Variants in GPC6 observed in about 807,000 individuals in gnomAD.
GPC6 encodes glypican-6.
In GPC6, 14 loss-of-function variants were observed where a neutral mutation model predicts 55.2. The observed-to-expected ratio is 0.25, with a 90% confidence interval of 0.17 to 0.40. The LOEUF is 0.40. Among genes scored for constraint, GPC6 ranks in the 10% least tolerant of loss-of-function variants. GPC6 has a pLI of 1.00. For missense variants in GPC6, 641 were observed against 708.5 expected, an observed-to-expected ratio of 0.90 and a Z score of 1.08; for synonymous variants, 278 against 259.6, an observed-to-expected ratio of 1.07 and a Z score of -0.68.
intron 2 of GPC6, among the ~76,000 whole-genome samples, chr13:93,672,141 G>T (rs1301883399): frequency 3.6e-5 from 4 of 111,296 alleles, no homozygotes; most frequent in African/African-American, 1.2e-4. Flanking sequence ...ATAGAATTAA[G>T]TTCTGGGTTT....
intron 3 of GPC6, among the ~76,000 whole-genome samples, chr13:93,956,557 G>T (rs1332827404): frequency 6.6e-6 from 1 of 152,182 alleles, no homozygotes; most frequent in African/African-American, 2.4e-5. Flanking sequence ...ATTAGTATGT[G>T]CAGGCACAGC....
At chr13:93,470,894 T>A (rs1172535256) in intron 1 of GPC6, among the ~76,000 whole-genome samples, 1 of 152,144 alleles carries the variant, frequency 6.6e-6, no homozygotes, top group Non-Finnish European at 1.5e-5. Flanking sequence ...ATTGGTCCTT[T>A]TCAACTAAAA....
chr13:93,974,787 C>T (rs553620301), intron 3 of GPC6, among the ~76,000 whole-genome samples: 10 of 151,844 alleles, frequency 6.6e-5, no homozygotes, highest in Non-Finnish European at 1.3e-4. Context: ...TATTTGGAAT[C>T]GAAACTATTA....
intron 4 of GPC6, among the ~76,000 whole-genome samples, chr13:94,221,617 C>T (rs535300605): frequency 6.6e-6 from 1 of 152,166 alleles, no homozygotes; most frequent in African/African-American, 2.4e-5. Context: ...TTTACACTAA[C>T]CTCATATGAC....
intron 3 of GPC6, among the ~76,000 whole-genome samples, chr13:93,991,978 T>C (rs942690142): frequency 6.6e-5 from 10 of 152,044 alleles, no homozygotes; most frequent in Admixed American, 6.6e-4. Flanking sequence ...TACATACATG[T>C]GGCATATACA....
intron 2 of GPC6, among the ~76,000 whole-genome samples, chr13:93,822,855 T>TATTTTA (rs1188665689): frequency 6.8e-6 from 1 of 147,218 alleles, no homozygotes; most frequent in African/African-American, 2.5e-5. Flanking sequence ...TTATTATTAT[T>TATTTTA]TTATTATTAT....
At chr13:93,698,320 C>T (rs1043811683) in intron 2 of GPC6, among the ~76,000 whole-genome samples, 5 of 152,030 alleles carry the variant, frequency 3.3e-5, no homozygotes, top group Non-Finnish European at 5.9e-5. Flanking sequence ...AAGCATTCTT[C>T]GTTGCAATGA....
At chr13:93,405,416 T>C (rs2139237420) in intron 1 of GPC6, among the ~76,000 whole-genome samples, 1 of 152,312 alleles carries the variant, frequency 6.6e-6, no homozygotes, top group African/African-American at 2.4e-5. Flanking sequence ...CACTGCAGTA[T>C]TAGAGAAATC....
intron 3 of GPC6, among the ~76,000 whole-genome samples, chr13:93,944,243 G>T (rs967819217): frequency 1.3e-5 from 2 of 149,248 alleles, no homozygotes; most frequent in Non-Finnish European, 3.0e-5. Flanking sequence ...TTGCTCTGTC[G>T]CCCAGGCTGG....
At chr13:93,559,100 C>T (rs1294067693) in intron 2 of GPC6, among the ~76,000 whole-genome samples, 2 of 152,062 alleles carry the variant, frequency 1.3e-5, no homozygotes, top group Non-Finnish European at 2.9e-5. Flanking sequence ...TCAGATTTCT[C>T]GCCAAAGTGA....
chr13:93,745,146 C>G (rs567219694), intron 2 of GPC6, among the ~76,000 whole-genome samples: 9 of 152,234 alleles, frequency 5.9e-5, no homozygotes, highest in African/African-American at 1.9e-4. Flanking sequence ...CTTAGGCTCT[C>G]AACTCTCTAC....
intron 1 of GPC6, among the ~76,000 whole-genome samples, chr13:93,454,809 C>T (rs1878375053): frequency 6.6e-6 from 1 of 152,208 alleles, no homozygotes; most frequent in Non-Finnish European, 1.5e-5. Context: ...CTTGAGTGGT[C>T]GATGGGAGTG....
chr13:93,869,886 C>T (rs1889077358), intron 3 of GPC6, among the ~76,000 whole-genome samples: 1 of 151,812 alleles, frequency 6.6e-6, no homozygotes, highest in South Asian at 2.1e-4. Flanking sequence ...GTATACTCCA[C>T]AGCTGGTTTT....
intron 2 of GPC6, among the ~76,000 whole-genome samples, chr13:93,574,769 G>A (rs75050067): frequency 0.015 from 2,240 of 152,126 alleles, 54 homozygotes; most frequent in African/African-American, 0.05. Flanking sequence ...ACTCATGTGC[G>A]TTCTGTCTAG....
intron 2 of GPC6, among the ~76,000 whole-genome samples, chr13:93,784,574 A>G (rs1338590314): frequency 1.3e-5 from 2 of 152,188 alleles, no homozygotes; most frequent in Non-Finnish European, 2.9e-5. Context: ...TACATTTCTA[A>G]GGCCGAGGTT....
At chr13:94,211,751 A>G (rs1025937008) in intron 4 of GPC6, among the ~76,000 whole-genome samples, 1 of 152,228 alleles carries the variant, frequency 6.6e-6, no homozygotes, top group Non-Finnish European at 1.5e-5. Context: ...CCACAAGCTC[A>G]GAATCGGTCA....
chr13:93,972,227 C>G (rs1231772911), intron 3 of GPC6, among the ~76,000 whole-genome samples: 1 of 152,176 alleles, frequency 6.6e-6, no homozygotes, highest in Non-Finnish European at 1.5e-5. Context: ...TATCAAATGG[C>G]TGAGCTGCTC....
At chr13:93,633,840 T>G (rs1432561271) in intron 2 of GPC6, among the ~76,000 whole-genome samples, 1 of 152,138 alleles carries the variant, frequency 6.6e-6, no homozygotes, top group Non-Finnish European at 1.5e-5. Context: ...CTGCCACTGC[T>G]AATTTATATA....
intron 5 of GPC6, among the ~76,000 whole-genome samples, chr13:94,302,642 C>T (rs1875717003): frequency 6.6e-6 from 1 of 152,180 alleles, no homozygotes; most frequent in Admixed American, 6.5e-5. Context: ...CAAAGTACTC[C>T]TTTGTAAACC....
Sources: gnomAD v4.1 joint callset for allele counts (sites outside exome capture counted in the v4.1 genomes callset) on GRCh38, gnomAD v4.1.1 for gene constraint, MANE v1.5 for transcripts, NCBI Gene and HGNC (gene_info 2026-07-23, HGNC 2026-07-21) for gene names.